Variants in NRG2 observed in about 807,000 individuals in gnomAD.
NRG2 encodes the protein pro-neuregulin-2, membrane-bound isoform.
NRG2 carries 27 observed loss-of-function variants against 73.9 expected under a neutral mutation model. The observed-to-expected ratio is 0.37, with a 90% confidence interval of 0.27 to 0.50. The LOEUF is 0.50. Ranked by LOEUF, NRG2 falls within the 20% of genes least tolerant of loss-of-function variation. The pLI, the probability that NRG2 is intolerant of heterozygous loss-of-function variation, is 0.96. For synonymous variants in NRG2, 532 were observed against 541.0 expected, an observed-to-expected ratio of 0.98 and a Z score of 0.23; for missense variants, 1,126 against 1,210.1, an observed-to-expected ratio of 0.93 and a Z score of 1.03.
chr5:139,928,625 C>A (rs963790776), intron 1 of NRG2, among the ~76,000 whole-genome samples: 16 of 152,336 alleles, frequency 1.1e-4, no homozygotes, highest in African/African-American at 3.8e-4. Context: ...CCTAGAACAA[C>A]CAAATTGTGT....
chr5:139,954,664 C>A lies in NRG2; in HGVS notation c.701-67153G>T, dbSNP rs1286859342. Reference sequence around the variant, plus strand: ...CCACCCCAGCGACTCTCCGCAGAGGCCCCTGCGCGTATCCCGCCAAGTTCC... The same window carrying A: ...CCACCCCAGCGACTCTCCGCAGAGGACCCTGCGCGTATCCCGCCAAGTTCC... On this transcript the variant is annotated intron_variant, in intron 1 of 9. Transcript: ENST00000361474. The surrounding 1 kb of genome is among the most constrained non-coding windows in gnomAD (Gnocchi z 5.0). Among the ~76,000 whole-genome samples the A allele has an allele frequency of 1.3e-5, 2 of 152,232 alleles. No homozygotes were observed. The highest frequency in any genetic ancestry group is 4.8e-5 in the African/African-American group (2 of 41,476).
At chr5:139,893,247 G>T (rs1764334468) in intron 1 of NRG2, among the ~76,000 whole-genome samples, 1 of 152,078 alleles carries the variant, frequency 6.6e-6, no homozygotes, top group Admixed American at 6.5e-5. Context: ...ATATTTCATT[G>T]TTCAGATGAG....
At chr5:140,017,282 G>C (rs1759863230) in intron 1 of NRG2, among the ~76,000 whole-genome samples, 1 of 152,108 alleles carries the variant, frequency 6.6e-6, no homozygotes, top group Admixed American at 6.5e-5. Context: ...TTTGGAAAGG[G>C]GGTGAGAGTT....
In NRG2 at chr5:139,887,287, C is replaced by T. The variant is rs1763926117; in HGVS notation, c.872+53G>A. On this transcript the variant is annotated intron_variant, in intron 2 of 9. Coordinates refer to ENST00000361474, the MANE Select transcript of NRG2 (RefSeq NM_004883.3). This position sits in a 1 kb window ranked among gnomAD's most constrained non-coding sequence, Gnocchi z 4.5. ...CTGCCCAGTTCAGGCCACTCCTTCTCGAGAGGAGGGAGGGCAGCTGCTTGG... is the reference window on the plus strand; with the variant it reads ...CTGCCCAGTTCAGGCCACTCCTTCTTGAGAGGAGGGAGGGCAGCTGCTTGG... The T allele has an allele frequency of 3.8e-6, 6 of 1,595,342 alleles. No homozygotes were observed. Among genetic ancestry groups the T allele is most frequent in the Non-Finnish European group, 4.3e-6 (5 of 1,167,810 alleles).
rs532908672 is a variant in NRG2 at position 139,959,978 on chromosome 5, T to C, written c.701-72467A>G. ...GTTGGTGATGCTGCACCTCTATCCC[T>C]GGGTCCTGGGCTCTGATAGATCAGA... is the stretch of plus-strand genomic sequence containing the variant. On this transcript the variant is annotated intron_variant, in intron 1 of 9. Coordinates refer to ENST00000361474, the MANE Select transcript of NRG2 (RefSeq NM_004883.3). Among the ~76,000 whole-genome samples, 7 of 152,316 alleles carry C rather than the reference T, an allele frequency of 4.6e-5. No individual in the cohort carries two copies. The South Asian group carries it at 1.2e-3, about 27-fold the overall frequency.
chr5:139,879,063 C>A (rs1027020021), intron 3 of NRG2, among the ~76,000 whole-genome samples: 13 of 152,192 alleles, frequency 8.5e-5, no homozygotes, highest in African/African-American at 2.9e-4. Context: ...AGGTGTTTGA[C>A]TTCAGGTGAA....
intron 1 of NRG2, among the ~76,000 whole-genome samples, chr5:139,918,162 C>A (rs1216062865): frequency 1.3e-5 from 2 of 152,232 alleles, no homozygotes; most frequent in African/African-American, 2.4e-5. Context: ...AAATAAATTC[C>A]TCCTAGTAAT....
At chr5:139,919,080 G>A (rs1751478445) in intron 1 of NRG2, among the ~76,000 whole-genome samples, 1 of 152,176 alleles carries the variant, frequency 6.6e-6, no homozygotes, top group Non-Finnish European at 1.5e-5. Flanking sequence ...CTTCTGAAAT[G>A]ATTACCCTCC....
At chr5:139,862,896 C>T (rs1762245969) in intron 5 of NRG2, among the ~76,000 whole-genome samples, 1 of 152,244 alleles carries the variant, frequency 6.6e-6, no homozygotes, top group Admixed American at 6.5e-5. Context: ...CTTCAATGTG[C>T]TATTGCAGTC....
chr5:139,867,850 G>A (rs902348438), intron 4 of NRG2, among the ~76,000 whole-genome samples: 1 of 150,638 alleles, frequency 6.6e-6, no homozygotes, highest in African/African-American at 2.5e-5. Flanking sequence ...GAGAGAGAGA[G>A]AAAATGGGGG....
chr5:139,984,868 C>T (rs1191099086), intron 1 of NRG2, among the ~76,000 whole-genome samples: 1 of 152,152 alleles, frequency 6.6e-6, no homozygotes. Context: ...GATATGGCCT[C>T]CACAGATGAC....
intron 1 of NRG2, among the ~76,000 whole-genome samples, chr5:139,957,834 A>G (rs62383907): frequency 0.035 from 5,333 of 152,282 alleles, 175 homozygotes; most frequent in South Asian, 0.15. Context: ...TAGATGGTGG[A>G]AGAGAAGCCC....
chr5:139,964,955 A>G (rs1056947335), intron 1 of NRG2, among the ~76,000 whole-genome samples: 2 of 152,208 alleles, frequency 1.3e-5, no homozygotes, highest in Admixed American at 1.3e-4. Flanking sequence ...GGCCACTAAG[A>G]GCCTCTAACC....
chr5:139,932,421 T>TA (rs35539824), intron 1 of NRG2, among the ~76,000 whole-genome samples: 6,747 of 150,978 alleles, frequency 0.045, 162 homozygotes, highest in Middle Eastern at 0.099. Flanking sequence ...TTTTTTTTTT[T>TA]AAAAAAAGCT....
intron 1 of NRG2, among the ~76,000 whole-genome samples, chr5:139,893,508 G>A (rs1041509369): frequency 5.9e-5 from 9 of 152,182 alleles, no homozygotes; most frequent in African/African-American, 2.2e-4. Flanking sequence ...TGCACCCATG[G>A]CCATTACTGA....
At chr5:139,857,489 A>G (rs1290904817) in intron 5 of NRG2, among the ~76,000 whole-genome samples, 1 of 150,892 alleles carries the variant, frequency 6.6e-6, no homozygotes, top group Non-Finnish European at 1.5e-5. Context: ...TGAGTTTACC[A>G]GTCCAGGGGG....
At chr5:139,938,834 T>A (rs59638156) in intron 1 of NRG2, among the ~76,000 whole-genome samples, 3 of 105,160 alleles carry the variant, frequency 2.9e-5, no homozygotes, top group Admixed American at 1.2e-4. Flanking sequence ...AATTGGACAG[T>A]CATATACAGA....
At chr5:140,025,799 A>G (rs1377475178) in intron 1 of NRG2, among the ~76,000 whole-genome samples, 1 of 152,236 alleles carries the variant, frequency 6.6e-6, no homozygotes, top group Non-Finnish European at 1.5e-5. Context: ...TACATAAGGC[A>G]CAAAAAGATA....
At chr5:139,917,126 G>A (rs1437087384) in intron 1 of NRG2, among the ~76,000 whole-genome samples, 1 of 152,020 alleles carries the variant, frequency 6.6e-6, no homozygotes, top group Non-Finnish European at 1.5e-5. Context: ...GATGTGAAAT[G>A]GTATCTTGTG....
Sources: allele counts gnomAD v4.1 joint callset (sites outside exome capture counted in the v4.1 genomes callset), GRCh38; gene constraint gnomAD v4.1.1; non-coding constraint Gnocchi (gnomAD v3.1); transcripts MANE v1.5; gene names NCBI Gene and HGNC (gene_info 2026-07-23, HGNC 2026-07-21).